The following DCC variants were observed in gnomAD, a reference collection of about 807,000 sequenced individuals.
DCC encodes the protein netrin receptor DCC.
In DCC, 58 loss-of-function variants were observed where a neutral mutation model predicts 172.5. The ratio of observed to expected loss-of-function variants is 0.34; its 90% CI spans 0.27 to 0.42. The LOEUF (loss-of-function observed/expected upper bound fraction) is 0.42, where lower values mean the gene tolerates loss of function less well. Among genes scored for constraint, DCC ranks in the 10% least tolerant of loss-of-function variants. DCC has a pLI of 1.00. For synonymous variants in DCC, 709 were observed against 644.5 expected (o/e 1.10, Z -1.52); for missense variants, 1,740 against 1,791.0 (o/e 0.97, Z 0.51).
chr18:53,150,256 C>T (rs994992901), intron 7 of DCC, among the ~76,000 whole-genome samples: 7 of 152,190 alleles, frequency 4.6e-5, no homozygotes, highest in Admixed American at 3.3e-4. Context: ...TAATAATGAA[C>T]ATAACTAGTT....
intron 1 of DCC, among the ~76,000 whole-genome samples, chr18:52,362,424 T>C (rs762062529): frequency 6.6e-6 from 1 of 152,198 alleles, no homozygotes; most frequent in African/African-American, 2.4e-5. Context: ...CCAGCATTGG[T>C]TGGTGGCCCA....
At chr18:52,658,070 T>C (rs1160841768) in intron 1 of DCC, among the ~76,000 whole-genome samples, 1 of 152,136 alleles carries the variant, frequency 6.6e-6, no homozygotes, top group Non-Finnish European at 1.5e-5. Flanking sequence ...TAAGGAGGAG[T>C]GCAAACTCGC....
intron 12 of DCC, among the ~76,000 whole-genome samples, chr18:53,256,033 G>A (rs994542312): frequency 6.6e-6 from 1 of 152,084 alleles, no homozygotes; most frequent in Non-Finnish European, 1.5e-5. Context: ...GTCTGTTCAT[G>A]TCCTTCACCC....
intron 28 of DCC, among the ~76,000 whole-genome samples, chr18:53,528,425 G>C (rs1039126371): frequency 6.6e-6 from 1 of 151,808 alleles, no homozygotes; most frequent in Non-Finnish European, 1.5e-5. Flanking sequence ...CAAGGTTTGT[G>C]GCCACATCTC....
chr18:52,459,437 A>G (rs996022095), intron 1 of DCC, among the ~76,000 whole-genome samples: 2 of 148,346 alleles, frequency 1.3e-5, no homozygotes, highest in South Asian at 2.1e-4. Flanking sequence ...ATTTATAAGT[A>G]AGAAAATGCA....
At chr18:53,114,829 C>T (rs760609214) in intron 7 of DCC, among the ~76,000 whole-genome samples, 11 of 151,450 alleles carry the variant, frequency 7.3e-5, no homozygotes, top group Non-Finnish European at 1.6e-4. Flanking sequence ...TAAAAATAAG[C>T]CAGTTCGTTT....
intron 1 of DCC, among the ~76,000 whole-genome samples, chr18:52,448,359 G>T (rs368079094): frequency 4.2e-4 from 64 of 152,250 alleles, no homozygotes; most frequent in African/African-American, 1.5e-3. Context: ...TGCTGCTCTA[G>T]TCCAACCTTG....
intron 7 of DCC, among the ~76,000 whole-genome samples, chr18:53,148,212 G>A (rs537908347): frequency 1.7e-4 from 26 of 152,276 alleles, no homozygotes; most frequent in African/African-American, 5.1e-4. Flanking sequence ...TATCAGCAAC[G>A]CATGTGTTCT....
chr18:52,626,099 G>A (rs1398094105), intron 1 of DCC, among the ~76,000 whole-genome samples: 2 of 152,110 alleles, frequency 1.3e-5, no homozygotes, highest in African/African-American at 4.8e-5. Context: ...CAACCAGCAT[G>A]TTTCTCTCCA....
rs750872111 is a variant in DCC at position 53,450,527 on chromosome 18, C to T, written c.3257C>T (p.Pro1086Leu). Reference protein sequence around the residue: ...NEPPIGQMHPPHGSVTPQKNS... With the variant: ...NEPPIGQMHPLHGSVTPQKNS... Reference sequence around the variant, plus strand: ...CCGCCAATTGGACAAATGCACCCCCCGCATGGCAGTGTCACTCCTCAGAAG... The same window carrying T: ...CCGCCAATTGGACAAATGCACCCCCTGCATGGCAGTGTCACTCCTCAGAAG... Residue 1086 changes from proline to leucine, a missense_variant, in exon 23 of 29, where the codon CCG becomes CTG. This residue lies in a region of DCC where 1,732 missense variants were observed against 1,767.4 expected (regional missense o/e 0.98). Transcript: ENST00000442544. 3 of 1,613,974 alleles carry T rather than the reference C, an allele frequency of 1.9e-6. No homozygotes were observed. Among genetic ancestry groups the T allele is most frequent in the Non-Finnish European group, 2.5e-6 (3 of 1,179,966 alleles).
chr18:53,094,083 AT>A (rs1307725521), intron 7 of DCC, among the ~76,000 whole-genome samples: 1 of 152,232 alleles, frequency 6.6e-6, no homozygotes, highest in East Asian at 1.9e-4. Context: ...AATCAGTGAC[AT>A]TATGATTTCC....
chr18:52,952,558 A>G (rs1032582011), intron 5 of DCC, among the ~76,000 whole-genome samples: 18 of 152,182 alleles, frequency 1.2e-4, no homozygotes, highest in African/African-American at 4.3e-4. Context: ...TACTGCATTC[A>G]TTGTATGAAA....
intron 26 of DCC, among the ~76,000 whole-genome samples, chr18:53,496,844 T>G (rs1166526686): frequency 1.3e-5 from 2 of 152,200 alleles, no homozygotes; most frequent in Non-Finnish European, 2.9e-5. Flanking sequence ...TACACAAGTA[T>G]CAATAGCTGA....
intron 2 of DCC, among the ~76,000 whole-genome samples, chr18:52,826,614 G>A (rs1186768066): frequency 6.6e-6 from 1 of 152,100 alleles, no homozygotes; most frequent in South Asian, 2.1e-4. Flanking sequence ...CTGCGTAGCT[G>A]GGACTGTGCG....
At chr18:53,281,497 T>A (rs2056871392) in intron 12 of DCC, among the ~76,000 whole-genome samples, 1 of 152,168 alleles carries the variant, frequency 6.6e-6, no homozygotes, top group African/African-American at 2.4e-5. Flanking sequence ...GTAGGCCTTG[T>A]CCCCAAGGAC....
At chr18:52,743,722 G>T (rs1342955919) in intron 1 of DCC, among the ~76,000 whole-genome samples, 1 of 152,180 alleles carries the variant, frequency 6.6e-6, no homozygotes, top group Non-Finnish European at 1.5e-5. Flanking sequence ...TCGGAATGTC[G>T]GATGTGGAGC....
At chr18:53,414,596 C>A (rs1910192188) in intron 20 of DCC, among the ~76,000 whole-genome samples, 1 of 152,120 alleles carries the variant, frequency 6.6e-6, no homozygotes, top group South Asian at 2.1e-4. Context: ...CACCTGTAAT[C>A]CCAGCACTTT....
At chr18:53,023,283 C>A (rs1425414735) in intron 5 of DCC, among the ~76,000 whole-genome samples, 2 of 148,416 alleles carry the variant, frequency 1.3e-5, no homozygotes, top group Non-Finnish European at 3.0e-5. Flanking sequence ...CTTTAGTAGT[C>A]GACTGTTTCT....
chr18:52,499,235 A>G (rs2030929024), intron 1 of DCC, among the ~76,000 whole-genome samples: 1 of 152,180 alleles, frequency 6.6e-6, no homozygotes, highest in African/African-American at 2.4e-5. Flanking sequence ...ATTGACTGAT[A>G]GCAATGACGC....
Sources: gnomAD v4.1 joint callset for allele counts (sites outside exome capture counted in the v4.1 genomes callset) on GRCh38, gnomAD v4.1.1 for gene constraint, gnomAD v4.1.1 regional missense constraint, MANE v1.5 for transcripts, NCBI Gene and HGNC (gene_info 2026-07-23, HGNC 2026-07-21) for gene names.